CSMD1: variants seen among roughly 807,000 people sequenced by gnomAD.
CSMD1 encodes CUB and sushi domain-containing protein 1.
CSMD1 carries 213 observed loss-of-function variants against 417.5 expected under a neutral mutation model. The observed-to-expected ratio is 0.51, with a 90% CI of 0.46 to 0.57. The LOEUF (loss-of-function observed/expected upper bound fraction) is 0.57. Ranked by LOEUF, CSMD1 falls within the 20% of genes least tolerant of loss-of-function variation. CSMD1 has a pLI of 0.00. For synonymous variants in CSMD1, 2,862 were observed against 1,736.8 expected (o/e 1.65, Z -16.11); for missense variants, 6,923 against 4,529.7 (o/e 1.53, Z -15.17).
chr8:4,359,704 T>G (rs1801640971), intron 3 of CSMD1, among the ~76,000 whole-genome samples: 1 of 152,288 alleles, frequency 6.6e-6, no homozygotes, highest in African/African-American at 2.4e-5. Context: ...TTTTAGTGTG[T>G]TTGTCTATAG....
At chr8:3,167,291 GAA>G (rs61026104) in intron 37 of CSMD1, among the ~76,000 whole-genome samples, 1,183 of 102,644 alleles carry the variant, frequency 0.012, 14 homozygotes, top group African/African-American at 0.039. Context: ...CTTGGAAAAA[GAA>G]AAAAAAAAAA....
intron 2 of CSMD1, among the ~76,000 whole-genome samples, chr8:4,611,130 A>ACTGTTTAGTAATATGTT (rs1364641530): frequency 6.6e-6 from 1 of 152,124 alleles, no homozygotes; most frequent in Non-Finnish European, 1.5e-5. Flanking sequence ...AATGGCTGTT[A>ACTGTTTAGTAATATGTT]CTGTTTAGTA....
chr8:3,227,268 G>A (rs1249962916), intron 27 of CSMD1, among the ~76,000 whole-genome samples: 1 of 152,052 alleles, frequency 6.6e-6, no homozygotes, highest in Admixed American at 6.6e-5. Context: ...GGGCTTGGTG[G>A]TGGGCGCCTG....
intron 10 of CSMD1, among the ~76,000 whole-genome samples, chr8:3,570,800 C>T (rs1277690817): frequency 6.6e-6 from 1 of 152,160 alleles, no homozygotes; most frequent in Non-Finnish European, 1.5e-5. Context: ...AGCGTTCTCA[C>T]AGTGCAATGG....
chr8:3,267,461 A>G (rs963485932), intron 26 of CSMD1, among the ~76,000 whole-genome samples: 1 of 152,184 alleles, frequency 6.6e-6, no homozygotes, highest in Non-Finnish European at 1.5e-5. Context: ...CCGTGCATGT[A>G]CACTGGTAAA....
intron 6 of CSMD1, among the ~76,000 whole-genome samples, chr8:3,728,548 C>T (rs945521867): frequency 6.6e-6 from 1 of 152,238 alleles, no homozygotes; most frequent in East Asian, 1.9e-4. Context: ...CGTAGGTTTG[C>T]CTATGTTCCA....
chr8:4,125,529 G>A (rs1249058541), intron 3 of CSMD1, among the ~76,000 whole-genome samples: 1 of 152,166 alleles, frequency 6.6e-6, no homozygotes. Flanking sequence ...AGACTGTCAG[G>A]GGCGCGCAGC....
At chr8:3,705,377 G>A (rs1801107897) in intron 7 of CSMD1, among the ~76,000 whole-genome samples, 1 of 152,126 alleles carries the variant, frequency 6.6e-6, no homozygotes, top group African/African-American at 2.4e-5. Context: ...GCTTCCCACG[G>A]GCAGAATACA....
intron 1 of CSMD1, among the ~76,000 whole-genome samples, chr8:4,904,987 G>C (rs912741138): frequency 3.9e-5 from 6 of 152,222 alleles, no homozygotes; most frequent in African/African-American, 1.4e-4. Context: ...AGTACAATTT[G>C]CAAAGGTATT....
intron 3 of CSMD1, among the ~76,000 whole-genome samples, chr8:4,154,292 G>A (rs1386966932): frequency 6.6e-6 from 1 of 152,116 alleles, no homozygotes; most frequent in African/African-American, 2.4e-5. Context: ...TAAATAAGAT[G>A]TTTCTGTTCT....
At chr8:3,075,055 G>A (rs75559182) in intron 49 of CSMD1, among the ~76,000 whole-genome samples, 6 of 151,980 alleles carry the variant, frequency 3.9e-5, no homozygotes, top group African/African-American at 1.5e-4. Context: ...CTGTTTAAAA[G>A]CATGTAACAC....
In CSMD1 at chr8:3,910,830, A is replaced by G. The variant is rs760547558; in HGVS notation, c.818+87073T>C. ...TATTGGAGAGTGCATGCTACAGGCC[A>G]AATCTCTATCTTATTTCTGCCTTCC... On this transcript the variant is annotated intron_variant, in intron 5 of 69. Transcript: ENST00000635120. Among the ~76,000 whole-genome samples the G allele has an allele frequency of 2.6e-5, 4 of 152,336 alleles. No homozygotes were observed. In the East Asian group the frequency reaches 7.7e-4, roughly 29 times the overall value.
intron 7 of CSMD1, among the ~76,000 whole-genome samples, chr8:3,678,186 A>T (rs1041999979): frequency 1.3e-5 from 2 of 152,238 alleles, no homozygotes; most frequent in Non-Finnish European, 2.9e-5. Context: ...AGCTGGACGG[A>T]GAATGACTTT....
chr8:3,610,955 G>C (rs906508421), intron 8 of CSMD1, among the ~76,000 whole-genome samples: 1 of 151,774 alleles, frequency 6.6e-6, no homozygotes, highest in Non-Finnish European at 1.5e-5. Flanking sequence ...AACAGCACCA[G>C]GCAGTAGGAG....
At chr8:3,561,848 T>A (rs181500635) in intron 10 of CSMD1, among the ~76,000 whole-genome samples, 1 of 152,172 alleles carries the variant, frequency 6.6e-6, no homozygotes, top group Non-Finnish European at 1.5e-5. Flanking sequence ...AGGAGAAATG[T>A]ATGGCCCTCC....
chr8:4,094,056 G>A (rs919206172), intron 3 of CSMD1, among the ~76,000 whole-genome samples: 1 of 152,062 alleles, frequency 6.6e-6, no homozygotes, highest in African/African-American at 2.4e-5. Flanking sequence ...CCAGAGAGCT[G>A]GTGTGAAGGA....
chr8:4,231,553 T>C (rs184871251), intron 3 of CSMD1, among the ~76,000 whole-genome samples: 20 of 152,132 alleles, frequency 1.3e-4, no homozygotes, highest in Non-Finnish European at 2.8e-4. Context: ...GGCTAAGCAA[T>C]GACAACAGTT....
chr8:3,737,480 C>G (rs1796582965), intron 6 of CSMD1, among the ~76,000 whole-genome samples: 1 of 152,198 alleles, frequency 6.6e-6, no homozygotes, highest in Admixed American at 6.5e-5. Context: ...TCATCTTGCT[C>G]TCTGTTGAAA....
intron 1 of CSMD1, 134 bp from the exon 2 acceptor site, chr8:4,637,692 C>A (rs1163791950): frequency 1.9e-6 from 1 of 522,878 alleles, no homozygotes; most frequent in African/African-American, 2.6e-5. Context: ...GAGACGGAGT[C>A]TCGCTCTGTC....
Sources: allele counts gnomAD v4.1 joint callset (sites outside exome capture counted in the v4.1 genomes callset), GRCh38; gene constraint gnomAD v4.1.1; transcripts MANE v1.5; gene names NCBI Gene and HGNC (gene_info 2026-07-23, HGNC 2026-07-21).